Variants in IGSF10 observed in about 807,000 individuals in gnomAD.
The protein encoded by IGSF10 is calvaria mechanical force protein 608.
Under a neutral mutation model 128.2 loss-of-function variants are expected in IGSF10, and 126 were observed. That is an observed-to-expected ratio of 0.98 (90% CI 0.85 to 1.14). The LOEUF is 1.14. IGSF10 is among the 50% of genes most tolerant of loss of function. The probability of loss-of-function intolerance (pLI) is 0.00; values close to 1 mark genes in which losing one functional copy is unlikely to be tolerated. For missense variants in IGSF10, 3,295 were observed against 3,149.8 expected, an observed-to-expected ratio of 1.05 and a Z score of -1.10; for synonymous variants, 1,185 against 1,146.2, an observed-to-expected ratio of 1.03 and a Z score of -0.68.
At chr3:151,556,678 G>T in the IGSF10 span, among the ~76,000 whole-genome samples, 1 of 152,118 alleles carries the variant, frequency 6.6e-6, no homozygotes, top group Non-Finnish European at 1.5e-5. Flanking sequence ...TAAGAAGAAT[G>T]CTGACACAAT....
chr3:151,606,325 A>G, the IGSF10 span, among the ~76,000 whole-genome samples: 1 of 152,184 alleles, frequency 6.6e-6, no homozygotes, highest in Admixed American at 6.5e-5. Context: ...ATGATATAAT[A>G]TAGGTCAAAG....
chr3:151,479,176 G>A, the IGSF10 span, among the ~76,000 whole-genome samples: 1 of 152,020 alleles, frequency 6.6e-6, no homozygotes, highest in African/African-American at 2.4e-5. Flanking sequence ...AAAGATCAAC[G>A]TTTTTGTCCT....
chr3:151,559,531 G>A, the IGSF10 span, among the ~76,000 whole-genome samples: 2 of 152,096 alleles, frequency 1.3e-5, no homozygotes, highest in African/African-American at 2.4e-5. Flanking sequence ...AATTATTTTG[G>A]TTGTATTGAT....
the IGSF10 span, among the ~76,000 whole-genome samples, chr3:151,500,695 A>G: frequency 6.6e-6 from 1 of 152,170 alleles, no homozygotes; most frequent in Non-Finnish European, 1.5e-5. Context: ...TTTAGTGGTT[A>G]CAAAGAAGCA....
Position 151,442,976 on chromosome 3 carries a change from A to G in IGSF10, c.5963+8T>C, listed in dbSNP as rs1407561988. 1.2e-6 allele frequency: 2 copies of G among 1,610,040 alleles called. No homozygotes were observed. Among genetic ancestry groups the G allele is most frequent in the Non-Finnish European group, 1.7e-6 (2 of 1,177,824 alleles). On this transcript the variant is annotated splice_region_variant and intron_variant, in intron 7 of 7. Coordinates refer to ENST00000282466, the MANE Select transcript of IGSF10 (RefSeq NM_178822.5). Reference sequence around the variant, plus strand: ...GCAGATAATTCCAACCCAAAGGTATAGACTTACCTATGCTGCTGGTCGACC... The same window carrying G: ...GCAGATAATTCCAACCCAAAGGTATGGACTTACCTATGCTGCTGGTCGACC...
the IGSF10 span, among the ~76,000 whole-genome samples, chr3:151,606,075 G>T: frequency 6.6e-6 from 1 of 152,128 alleles, no homozygotes; most frequent in South Asian, 2.1e-4. Flanking sequence ...CAGTGAGGCT[G>T]GTGGAAGAAG....
At chr3:151,605,939 T>C in the IGSF10 span, among the ~76,000 whole-genome samples, 1 of 152,222 alleles carries the variant, frequency 6.6e-6, no homozygotes, top group Non-Finnish European at 1.5e-5. Flanking sequence ...TCTGATTCTG[T>C]AGATCTCAGC....
the IGSF10 span, among the ~76,000 whole-genome samples, chr3:151,605,022 G>A: frequency 6.6e-6 from 1 of 152,128 alleles, no homozygotes; most frequent in Non-Finnish European, 1.5e-5. Flanking sequence ...TCTAACACAT[G>A]TATTTTCTCA....
chr3:151,452,000 C>T (rs919260384), intron 5 of IGSF10, among the ~76,000 whole-genome samples: 1 of 152,130 alleles, frequency 6.6e-6, no homozygotes, highest in Non-Finnish European at 1.5e-5. Flanking sequence ...AAAAGGATTG[C>T]CTACCACATG....
At chr3:151,553,322 A>G in the IGSF10 span, among the ~76,000 whole-genome samples, 2 of 152,128 alleles carry the variant, frequency 1.3e-5, no homozygotes, top group African/African-American at 4.8e-5. Flanking sequence ...TCTGCATTCT[A>G]ATGAAGCTAA....
chr3:151,558,248 AAG>A, the IGSF10 span, among the ~76,000 whole-genome samples: 11 of 151,036 alleles, frequency 7.3e-5, no homozygotes, highest in African/African-American at 2.7e-4. Context: ...ACCCAACAAA[AAG>A]AAATCATTTC....
At chr3:151,461,363 G>A, upstream of IGSF10, 1 of 985,374 alleles carries the variant, frequency 1.0e-6, no homozygotes, top group Non-Finnish European at 1.2e-6. Context: ...GCCGCAGGCT[G>A]TCCTTGGTCC....
At chr3:151,503,827 G>A in the IGSF10 span, among the ~76,000 whole-genome samples, 11 of 152,190 alleles carry the variant, frequency 7.2e-5, no homozygotes, top group South Asian at 2.3e-3. Flanking sequence ...GGGGAGTGCT[G>A]CTTGGTTAGA....
the IGSF10 span, among the ~76,000 whole-genome samples, chr3:151,597,047 G>C: frequency 0.031 from 4,731 of 151,972 alleles, 132 homozygotes; most frequent in East Asian, 0.12. Context: ...GAAGCTGGCA[G>C]TTTCCACAGT....
the IGSF10 span, among the ~76,000 whole-genome samples, chr3:151,603,941 C>A: frequency 6.6e-6 from 1 of 152,154 alleles, no homozygotes; most frequent in Non-Finnish European, 1.5e-5. Flanking sequence ...TCCTGGCCTG[C>A]GAGCTCTCTG....
rs1348439029 is a variant in IGSF10, at chr3:151,460,946, C to T, written c.-89G>A. ...GGGAAGGATTGGCCGAGGCGCTCAC[C>T]TGTTTGCCCTGGTGACCAATGGGCT... On this transcript the variant is annotated splice_region_variant and 5_prime_UTR_variant, in exon 1 of 8. Transcript: ENST00000282466. 2.0e-6 allele frequency: 2 copies of T among 985,308 alleles called. No homozygotes were observed. The highest frequency in any genetic ancestry group is 3.5e-5 in the African/African-American group (2 of 57,242). The allele number at this position is 985,308 out of a possible 1,614,324, so 61.0% of individuals were successfully genotyped here.
chr3:151,562,868 G>C, the IGSF10 span, among the ~76,000 whole-genome samples: 1 of 152,086 alleles, frequency 6.6e-6, no homozygotes, highest in African/African-American at 2.4e-5. Context: ...TGGTCGGATG[G>C]ACAGGAAAAG....
At chr3:151,576,226 C>T in the IGSF10 span, among the ~76,000 whole-genome samples, 1 of 151,684 alleles carries the variant, frequency 6.6e-6, no homozygotes, top group South Asian at 2.1e-4. Context: ...TATATTAGCA[C>T]CATTTTCATT....
the IGSF10 span, among the ~76,000 whole-genome samples, chr3:151,547,637 G>A: frequency 6.6e-6 from 1 of 152,026 alleles, no homozygotes; most frequent in Non-Finnish European, 1.5e-5. Flanking sequence ...GATGTTCTTT[G>A]CCTCTGGGTT....
Sources: allele counts gnomAD v4.1 joint callset (sites outside exome capture counted in the v4.1 genomes callset), GRCh38; gene constraint gnomAD v4.1.1; transcripts MANE v1.5; gene names NCBI Gene and HGNC (gene_info 2026-07-23, HGNC 2026-07-21).